The following ZBTB11 variants were observed in gnomAD, a reference collection of about 807,000 sequenced individuals.
The protein encoded by ZBTB11 is zinc finger and BTB domain-containing protein 11.
A neutral mutation model predicts 113.1 loss-of-function variants in ZBTB11; 68 were observed. The ratio of observed to expected loss-of-function variants is 0.60; its 90% CI spans 0.49 to 0.74. The LOEUF is 0.74. Ranked by LOEUF, ZBTB11 falls within the 30% of genes least tolerant of loss-of-function variation. The pLI is 0.00. For synonymous variants in ZBTB11, 518 were observed against 452.6 expected (o/e 1.14, Z -1.83); for missense variants, 1,104 against 1,279.4 (o/e 0.86, Z 2.09).
intron 6 of ZBTB11, 45 bp from the exon 7 acceptor site, chr3:101,656,293 G>A (rs770502657): frequency 7.9e-7 from 1 of 1,262,868 alleles, no homozygotes; most frequent in South Asian, 2.6e-5. Context: ...CAAAAAGGGA[G>A]ATTGTTTCTG....
At chr3:101,655,387 T>C (rs1213903442) in intron 7 of ZBTB11, among the ~76,000 whole-genome samples, 5 of 152,226 alleles carry the variant, frequency 3.3e-5, no homozygotes, top group Non-Finnish European at 7.3e-5. Context: ...TAGAGTTGAA[T>C]ACAAGTTGCA....
Position 101,676,965 on chromosome 3 carries a change from G to A in ZBTB11, c.-51C>T, listed in dbSNP as rs1340701769. The stretch of plus-strand genomic sequence containing the variant: ...CCTGTCAGGGACAGGTGAGGAAAAC[G>A]GCCCGCTACCTACGGGCGGCTGCAG... On this transcript the variant is annotated 5_prime_UTR_variant, in exon 1 of 11. Coordinates refer to ENST00000312938, the MANE Select transcript of ZBTB11 (RefSeq NM_014415.4). 2 of 1,495,590 alleles carry A rather than the reference G, an allele frequency of 1.3e-6. No homozygotes were observed. The highest frequency in any genetic ancestry group is 2.4e-5 in the East Asian group (1 of 41,084). 92.6% of individuals were successfully genotyped at this position (1,495,590 alleles called of 1,614,324 possible).
At position 101,676,939 on chromosome 3, in the gene ZBTB11, G is replaced by T. The variant is rs1476260152; in HGVS notation, c.-25C>A. On this transcript the variant is annotated 5_prime_UTR_variant, in exon 1 of 11. Coordinates refer to ENST00000312938, the MANE Select transcript of ZBTB11 (RefSeq NM_014415.4). ...TCGCGGACCGCGGCTCCCTGAGGGC[G>T]CCTGTCAGGGACAGGTGAGGAAAAC... The T allele has an allele frequency of 9.1e-6, 14 of 1,542,510 alleles. No homozygotes were observed. The highest frequency in any genetic ancestry group is 1.2e-5 in the Non-Finnish European group (14 of 1,141,590).
rs920996878 is a variant in ZBTB11 at position 101,649,811 on chromosome 3, C to T, written c.*1355G>A. ...AGGCAACTTAGTAATATATGTACAT[C>T]AAGGCACATTCTTTTCTTGTGCTTT... On this transcript the variant is annotated 3_prime_UTR_variant, in exon 11 of 11. Coordinates refer to ENST00000312938, the MANE Select transcript of ZBTB11 (RefSeq NM_014415.4). 3 of 152,710 alleles carry T rather than the reference C, an allele frequency of 2.0e-5. No individual in the cohort carries two copies. Among genetic ancestry groups the T allele is most frequent in the African/African-American group, 7.2e-5 (3 of 41,570 alleles). 9.5% of individuals were successfully genotyped at this position (152,710 alleles called of 1,614,324 possible).
chr3:101,661,320 C>T (rs527585497), intron 5 of ZBTB11, among the ~76,000 whole-genome samples: 37 of 151,950 alleles, frequency 2.4e-4, no homozygotes, highest in African/African-American at 8.0e-4. Context: ...GGATCCCCTT[C>T]ACTATTGTCT....
intron 5 of ZBTB11, among the ~76,000 whole-genome samples, chr3:101,661,234 A>C (rs994387199): frequency 1.7e-5 from 1 of 59,512 alleles, no homozygotes; most frequent in African/African-American, 1.1e-4. Flanking sequence ...ACCCTGTCTC[A>C]AAAAAAAAAA....
chr3:101,663,916 C>T (rs1462329276), intron 5 of ZBTB11, among the ~76,000 whole-genome samples: 1 of 152,018 alleles, frequency 6.6e-6, no homozygotes, highest in South Asian at 2.1e-4. Context: ...AAAACAAAAA[C>T]TTAATATTCA....
intron 3 of ZBTB11, among the ~76,000 whole-genome samples, chr3:101,669,669 A>C: frequency 6.6e-6 from 1 of 152,082 alleles, no homozygotes; most frequent in Non-Finnish European, 1.5e-5. Flanking sequence ...CCTTTGAGTC[A>C]CCAAACCCAG....
intron 1 of ZBTB11, among the ~76,000 whole-genome samples, chr3:101,673,641 G>A (rs1937117155): frequency 6.6e-6 from 1 of 151,954 alleles, no homozygotes; most frequent in African/African-American, 2.4e-5. Flanking sequence ...AGCCTCCCGA[G>A]TAGCTGGGAT....
chr3:101,670,359 T>C (rs1190520118), intron 3 of ZBTB11, among the ~76,000 whole-genome samples: 1 of 152,224 alleles, frequency 6.6e-6, no homozygotes, highest in African/African-American at 2.4e-5. Context: ...GTATAAATAA[T>C]GCTACCTATA....
intron 5 of ZBTB11, among the ~76,000 whole-genome samples, chr3:101,663,382 T>C (rs1936926194): frequency 6.6e-6 from 1 of 152,200 alleles, no homozygotes; most frequent in Non-Finnish European, 1.5e-5. Context: ...AAAGTTGTTT[T>C]TCTTGAAATC....
rs1032386423 is a variant in ZBTB11, at chr3:101,677,060, C to T, written c.-146G>A. On this transcript the variant is annotated 5_prime_UTR_variant, in exon 1 of 11. Transcript: ENST00000312938. The stretch of plus-strand genomic sequence containing the variant: ...AGCGCTCTTCGACGGCTCCCTTAGT[C>T]CGAAGGAAAAGCGGGCGAGTTGGTA... The T allele has an allele frequency of 1.3e-5, 12 of 910,644 alleles. No homozygotes were observed. Among genetic ancestry groups the T allele is most frequent in the Non-Finnish European group, 1.9e-5 (12 of 637,026 alleles). The allele number at this position is 910,644 out of a possible 1,614,324, so 56.4% of individuals were successfully genotyped here.
chr3:101,654,243 G>A lies in ZBTB11; in HGVS notation c.2309+461C>T, dbSNP rs141445596. 1.3e-3 allele frequency among the ~76,000 whole-genome samples: 196 copies of A among 152,266 alleles called. 3 individuals carry two copies. In the East Asian group the frequency reaches 0.033, roughly 25 times the overall value. On this transcript the variant is annotated intron_variant, in intron 8 of 10. Transcript: ENST00000312938. The stretch of plus-strand genomic sequence containing the variant: ...CTTAGTAGAGATGGGGTTTTGCCAC[G>A]TTGGCCAGGCTGGTCTCGAACTTCT...
At chr3:101,653,153 T>C (rs1411459222) in intron 8 of ZBTB11, among the ~76,000 whole-genome samples, 1 of 152,216 alleles carries the variant, frequency 6.6e-6, no homozygotes, top group African/African-American at 2.4e-5. Flanking sequence ...TCGTGCATAG[T>C]TCCCAAAGGT....
chr3:101,658,180 G>A (rs1214260081), intron 6 of ZBTB11, among the ~76,000 whole-genome samples: 3 of 152,006 alleles, frequency 2.0e-5, no homozygotes, highest in Non-Finnish European at 2.9e-5. Context: ...AATGGCATTT[G>A]CAGCAACCTG....
chr3:101,654,957 A>G (rs1936770084), intron 7 of ZBTB11, 136 bp from the exon 8 acceptor site: 1 of 605,210 alleles, frequency 1.7e-6, no homozygotes, highest in Non-Finnish European at 2.9e-6. Context: ...GGCTCATCGC[A>G]AACTCCACCT....
intron 1 of ZBTB11, 192 bp downstream of exon 1, chr3:101,676,413 T>G (rs1937174130): frequency 1.8e-6 from 1 of 564,610 alleles, no homozygotes; most frequent in Non-Finnish European, 2.8e-6. Flanking sequence ...GCCCCCAGCT[T>G]CGCCGGCCTC....
intron 5 of ZBTB11, 33 bp downstream of exon 5, chr3:101,664,503 TAG>T: frequency 2.5e-6 from 4 of 1,570,120 alleles, no homozygotes; most frequent in Non-Finnish European, 3.4e-6. Flanking sequence ...TATTATGAAT[TAG>T]AGTTACCTTC....
Position 101,676,786 on chromosome 3 carries a change from G to A in ZBTB11, c.129C>T (p.Arg43=). 3 of 1,611,444 alleles carry A rather than the reference G, an allele frequency of 1.9e-6. No individual in the cohort carries two copies. Among genetic ancestry groups the A allele is most frequent in the South Asian group, 2.2e-5 (2 of 90,850 alleles). ...IRKAAACYVV[R]GGTLYYQRRQ... is the part of the protein sequence containing the mutation. The stretch of plus-strand genomic sequence containing the variant: ...GCCGCTGGTAATACAGAGTCCCGCC[G>A]CGCACCACGTAGCAGGCGGCAGCTT... Residue 43 remains arginine (R), a synonymous_variant, in exon 1 of 11, where the codon CGC becomes CGT. Coordinates refer to ENST00000312938, the MANE Select transcript of ZBTB11 (RefSeq NM_014415.4).
Sources: gnomAD v4.1 joint callset for allele counts (sites outside exome capture counted in the v4.1 genomes callset) on GRCh38, gnomAD v4.1.1 for gene constraint, MANE v1.5 for transcripts, NCBI Gene and HGNC (gene_info 2026-07-23, HGNC 2026-07-21) for gene names.